MAGI2: variants seen among roughly 807,000 people sequenced by gnomAD.
MAGI2 encodes membrane-associated guanylate kinase, WW and PDZ domain-containing protein 2.
In MAGI2, 35 loss-of-function variants were observed where a neutral mutation model predicts 133.3. That is an observed-to-expected ratio of 0.26 (90% CI 0.20 to 0.35). MAGI2 has a LOEUF of 0.35. Among genes scored for constraint, MAGI2 ranks in the 10% least tolerant of loss-of-function variants. The pLI is 1.00. For missense variants in MAGI2, 1,636 were observed against 1,863.4 expected (o/e 0.88, Z 2.25); for synonymous variants, 729 against 710.6 (o/e 1.03, Z -0.41).
At chr7:79,087,959 G>T (rs963590030) in intron 1 of MAGI2, among the ~76,000 whole-genome samples, 2 of 151,916 alleles carry the variant, frequency 1.3e-5, no homozygotes, top group Non-Finnish European at 2.9e-5. Flanking sequence ...TTTTGGATTA[G>T]GATTATTTTT....
At chr7:79,378,266 T>G (rs1034872327) in intron 1 of MAGI2, among the ~76,000 whole-genome samples, 1 of 151,890 alleles carries the variant, frequency 6.6e-6, no homozygotes, top group African/African-American at 2.4e-5. Flanking sequence ...GTTTCAATAA[T>G]ATCAAGGACT....
At chr7:78,526,174 GA>G (rs561853231) in intron 3 of MAGI2, among the ~76,000 whole-genome samples, 141 of 152,226 alleles carry the variant, frequency 9.3e-4, no homozygotes, top group African/African-American at 2.6e-3. Context: ...CCTTTTAAGA[GA>G]AAAAAATGTG....
At chr7:78,639,443 A>C (rs1003526589) in intron 2 of MAGI2, among the ~76,000 whole-genome samples, 9 of 152,192 alleles carry the variant, frequency 5.9e-5, no homozygotes, top group African/African-American at 1.9e-4. Flanking sequence ...ATGAGTACCC[A>C]CTAGGAGCTT....
At chr7:78,588,977 C>T in intron 3 of MAGI2, among the ~76,000 whole-genome samples, 1 of 152,072 alleles carries the variant, frequency 6.6e-6, no homozygotes, top group East Asian at 1.9e-4. Context: ...GTAGGAATTC[C>T]CAAGCTTCTT....
intron 1 of MAGI2, among the ~76,000 whole-genome samples, chr7:79,339,470 T>TTTG (rs1366823407): frequency 1.5e-5 from 2 of 135,622 alleles, no homozygotes; most frequent in African/African-American, 5.4e-5. Flanking sequence ...TTTTGTTTTT[T>TTTG]TTTTTTTTGA....
chr7:78,272,498 T>C (rs896270166), intron 9 of MAGI2, among the ~76,000 whole-genome samples: 2 of 152,188 alleles, frequency 1.3e-5, no homozygotes, highest in Non-Finnish European at 2.9e-5. Flanking sequence ...ATATCTTTGT[T>C]AATTTTCTGT....
chr7:78,993,993 C>T (rs540793153), intron 2 of MAGI2, among the ~76,000 whole-genome samples: 3 of 152,140 alleles, frequency 2.0e-5, no homozygotes, highest in Non-Finnish European at 4.4e-5. Flanking sequence ...GGCATTTTTC[C>T]AGGAACCAGG....
chr7:78,980,765 AGTTTC>A (rs982769304), intron 2 of MAGI2, among the ~76,000 whole-genome samples: 2 of 151,472 alleles, frequency 1.3e-5, no homozygotes, highest in African/African-American at 4.8e-5. Flanking sequence ...TTCTTGGTTC[AGTTTC>A]GTTTTTTGTT....
intron 2 of MAGI2, among the ~76,000 whole-genome samples, chr7:78,898,997 G>A (rs1797412522): frequency 6.6e-6 from 1 of 152,142 alleles, no homozygotes; most frequent in East Asian, 1.9e-4. Flanking sequence ...CCATGTAGAA[G>A]TATTTGCACC....
chr7:78,567,394 ACAC>A (rs1801053545), intron 3 of MAGI2, among the ~76,000 whole-genome samples: 2 of 46,278 alleles, frequency 4.3e-5, no homozygotes, highest in African/African-American at 2.0e-4. Flanking sequence ...CCTACACACT[ACAC>A]ACACACACAC....
intron 10 of MAGI2, among the ~76,000 whole-genome samples, chr7:78,202,023 C>T (rs906767045): frequency 2.6e-5 from 4 of 152,158 alleles, no homozygotes; most frequent in Non-Finnish European, 5.9e-5. Context: ...AGGGAGAGGG[C>T]ACTGCCACAT....
Position 79,269,364 on chromosome 7 carries a change from G to T in MAGI2, c.301+183656C>A, listed in dbSNP as rs192004194. 3.9e-5 allele frequency among the ~76,000 whole-genome samples: 6 copies of T among 152,258 alleles called. No homozygotes were observed. In the East Asian group the frequency reaches 1.2e-3, roughly 29 times the overall value. ...TATAGCTGCTTATTTCTATCATTTT[G>T]ATGAAATATGGGTTGCTCAGAATTT... On this transcript the variant is annotated intron_variant, in intron 1 of 21. Coordinates refer to ENST00000354212, the MANE Select transcript of MAGI2 (RefSeq NM_012301.4).
intron 1 of MAGI2, among the ~76,000 whole-genome samples, chr7:79,041,719 T>A: frequency 6.6e-6 from 1 of 152,158 alleles, no homozygotes; most frequent in East Asian, 1.9e-4. Context: ...TAATTTCAAA[T>A]GTTTCTGACA....
chr7:78,955,616 CCCTT>C (rs923275286), intron 2 of MAGI2, among the ~76,000 whole-genome samples: 8 of 150,038 alleles, frequency 5.3e-5, no homozygotes, highest in Non-Finnish European at 8.9e-5. Context: ...TTCCCTCCCT[CCCTT>C]CCTTCCTTCC....
At chr7:79,371,465 T>G (rs1320261628) in intron 1 of MAGI2, among the ~76,000 whole-genome samples, 1 of 152,108 alleles carries the variant, frequency 6.6e-6, no homozygotes. Flanking sequence ...TCTTATAAGA[T>G]TAAATTATAG....
chr7:79,271,526 A>G (rs1834876433), intron 1 of MAGI2, among the ~76,000 whole-genome samples: 3 of 152,136 alleles, frequency 2.0e-5, no homozygotes. Flanking sequence ...TTAGCTTTGA[A>G]GAAGCCAGAT....
At chr7:78,663,292 C>T (rs868823089) in intron 2 of MAGI2, among the ~76,000 whole-genome samples, 2 of 151,234 alleles carry the variant, frequency 1.3e-5, no homozygotes, top group Admixed American at 6.6e-5. Context: ...CTGCAATATC[C>T]GCCTCCCGGG....
chr7:79,135,476 G>A (rs184410233), intron 1 of MAGI2, among the ~76,000 whole-genome samples: 1 of 152,194 alleles, frequency 6.6e-6, no homozygotes, highest in East Asian at 1.9e-4. Context: ...AATATTTATA[G>A]CACATACATG....
At chr7:79,205,759 G>A (rs925645656) in intron 1 of MAGI2, among the ~76,000 whole-genome samples, 1 of 124,918 alleles carries the variant, frequency 8.0e-6, no homozygotes, top group Non-Finnish European at 1.5e-5. Context: ...GTAGAGGGGT[G>A]TGTGTGTGTG....
Sources: gnomAD v4.1 joint callset for allele counts (sites outside exome capture counted in the v4.1 genomes callset) on GRCh38, gnomAD v4.1.1 for gene constraint, MANE v1.5 for transcripts, NCBI Gene and HGNC (gene_info 2026-07-23, HGNC 2026-07-21) for gene names.